Variants in ST3GAL1 observed in about 807,000 individuals in gnomAD.
ST3GAL1 encodes the protein CMP-N-acetylneuraminate-beta-galactosamide-alpha-2,3-sialyltransferase 1.
A neutral mutation model predicts 34.1 loss-of-function variants in ST3GAL1; 16 were observed. The observed-to-expected ratio is 0.47, with a 90% CI of 0.32 to 0.71. The LOEUF is 0.71. ST3GAL1 is among the 30% of genes least tolerant of loss of function. ST3GAL1 has a pLI of 0.04. For missense variants in ST3GAL1, 353 were observed against 447.4 expected (o/e 0.79, Z 1.90); for synonymous variants, 191 against 184.7 (o/e 1.03, Z -0.28).
At chr8:133,484,840 G>T (rs763229248) in intron 3 of ST3GAL1, among the ~76,000 whole-genome samples, 5 of 152,108 alleles carry the variant, frequency 3.3e-5, no homozygotes, top group African/African-American at 4.8e-5. Flanking sequence ...GCCTGATACC[G>T]CTGACCCTGG....
chr8:133,552,571 G>A (rs769251581), intron 1 of ST3GAL1, among the ~76,000 whole-genome samples: 5 of 152,198 alleles, frequency 3.3e-5, no homozygotes, highest in Non-Finnish European at 5.9e-5. Context: ...TTTGGGTGCG[G>A]TGGCATCTCC....
chr8:133,567,011 A>C (rs1029441001), intron 1 of ST3GAL1: 1 of 152,218 alleles, frequency 6.6e-6, no homozygotes, highest in Non-Finnish European at 1.5e-5. Flanking sequence ...TTACTTTATT[A>C]TTATGATTAT....
rs966753934 is a variant in ST3GAL1 at position 133,556,547 on chromosome 8, G to A, written c.-581-10621C>T. ...GGAATTGTGAAACATGGACCTGTTT[G>A]TCTTCTAAGCAACCTCAGCTAATGA... On this transcript the variant is annotated intron_variant, in intron 1 of 9. Coordinates refer to ENST00000522652, the MANE Select transcript of ST3GAL1 (RefSeq NM_173344.3). The surrounding 1 kb of genome is among the most constrained non-coding windows in gnomAD (Gnocchi z 8.9). 1.3e-5 allele frequency among the ~76,000 whole-genome samples: 2 copies of A among 152,174 alleles called. No homozygotes were observed. Among genetic ancestry groups the A allele is most frequent in the African/African-American group, 4.8e-5 (2 of 41,430 alleles).
At chr8:133,506,037 C>T (rs1418928843) in intron 2 of ST3GAL1, among the ~76,000 whole-genome samples, 1 of 152,190 alleles carries the variant, frequency 6.6e-6, no homozygotes, top group Non-Finnish European at 1.5e-5. Flanking sequence ...TCCTCCGTTG[C>T]ACCAGCTCAA....
At chr8:133,543,319 G>C (rs1379438617) in intron 2 of ST3GAL1, among the ~76,000 whole-genome samples, 1 of 152,200 alleles carries the variant, frequency 6.6e-6, no homozygotes, top group Non-Finnish European at 1.5e-5. Flanking sequence ...ATGCCAACTG[G>C]CTTTTCTTTT....
chr8:133,458,293 T>C lies in ST3GAL1; in HGVS notation c.*1471A>G, dbSNP rs1815374418. 6.8e-6 allele frequency: 1 copy of C among 146,494 alleles called. No individual in the cohort carries two copies. The highest frequency in any genetic ancestry group is 1.5e-5 in the Non-Finnish European group (1 of 66,024). The allele number at this position is 146,494 out of a possible 1,614,324, so 9.1% of individuals were successfully genotyped here. On this transcript the variant is annotated 3_prime_UTR_variant, in exon 10 of 10. Transcript: ENST00000522652. ...CAACAGAGCCAGGGTGCAAACAATG[T>C]CAGTTGAATAAAAAAAAGAAATCAA...
rs2737427 is a variant in ST3GAL1 at position 133,475,094 on chromosome 8, A to G, written c.306+625T>C. On this transcript the variant is annotated intron_variant, in intron 5 of 9. Coordinates refer to ENST00000522652, the MANE Select transcript of ST3GAL1 (RefSeq NM_173344.3). ...GGATCTCTGCATGAGATCATCCTGG[A>G]TTAGGGTGGGCCCTAAACCTGATGA... 4.3e-3 allele frequency among the ~76,000 whole-genome samples: 658 copies of G among 152,332 alleles called. 1 individual carries two copies. Among genetic ancestry groups the G allele is most frequent in the Non-Finnish European group, 6.4e-3 (433 of 68,024 alleles).
At chr8:133,567,365 C>T (rs967270600) in intron 1 of ST3GAL1, 2 of 152,186 alleles carry the variant, frequency 1.3e-5, no homozygotes, top group East Asian at 1.9e-4. Context: ...CAACTGAAAT[C>T]AAAACAACCC....
rs1218577921 is a variant in ST3GAL1, at chr8:133,467,006, A to C, written c.307-916T>G. Among the ~76,000 whole-genome samples the C allele has an allele frequency of 6.6e-6, 1 of 151,978 alleles. No homozygotes were observed. Among genetic ancestry groups the C allele is most frequent in the East Asian group, 1.9e-4 (1 of 5,176 alleles). On this transcript the variant is annotated intron_variant, in intron 5 of 9. Coordinates refer to ENST00000522652, the MANE Select transcript of ST3GAL1 (RefSeq NM_173344.3). The surrounding 1 kb of genome is among the most constrained non-coding windows in gnomAD (Gnocchi z 4.2). ...GCTACTTGGGAGGCTGAAGTGGGAGAATCTCTTGAACCCGGAAGGCGGAGG... is the reference window on the plus strand; with the variant it reads ...GCTACTTGGGAGGCTGAAGTGGGAGCATCTCTTGAACCCGGAAGGCGGAGG...
At chr8:133,517,983 G>C (rs1817694201) in intron 2 of ST3GAL1, among the ~76,000 whole-genome samples, 1 of 152,218 alleles carries the variant, frequency 6.6e-6, no homozygotes, top group African/African-American at 2.4e-5. Flanking sequence ...TTGGCACCTA[G>C]TCAGTTTTAC....
chr8:133,547,519 G>A lies in ST3GAL1; in HGVS notation c.-581-1593C>T, dbSNP rs1586659902. Among the ~76,000 whole-genome samples the A allele has an allele frequency of 1.3e-5, 2 of 152,316 alleles. 1 individual carries two copies. The highest frequency in any genetic ancestry group is 4.1e-4 in the South Asian group (2 of 4,824). On this transcript the variant is annotated intron_variant, in intron 1 of 9. Coordinates refer to ENST00000522652, the MANE Select transcript of ST3GAL1 (RefSeq NM_173344.3). The stretch of plus-strand genomic sequence containing the variant: ...GCATGAGCCACCATGCCCAGCTGCT[G>A]CTGGAAATCATTCTGCTGCCACATT...
At chr8:133,546,283 C>T (rs989872543) in intron 1 of ST3GAL1, among the ~76,000 whole-genome samples, 1 of 151,772 alleles carries the variant, frequency 6.6e-6, no homozygotes, top group African/African-American at 2.4e-5. Context: ...AGGAGTTCAT[C>T]ACCAGCCTGA....
Position 133,466,261 on chromosome 8 carries a change from T to C in ST3GAL1, c.307-171A>G, listed in dbSNP as rs149103760. ...ACACACAGACACCTCCACTTCCTCC[T>C]TCAAGGAGACTAAGGGTTACTCAGG... On this transcript the variant is annotated intron_variant, in intron 5 of 9. Coordinates refer to ENST00000522652, the MANE Select transcript of ST3GAL1 (RefSeq NM_173344.3). The surrounding 1 kb of genome is among the most constrained non-coding windows in gnomAD (Gnocchi z 4.4). Among the ~76,000 whole-genome samples the C allele has an allele frequency of 5.3e-3, 801 of 152,266 alleles. 4 individuals carry two copies. The highest frequency in any genetic ancestry group is 0.01 in the Admixed American group (154 of 15,304).
intron 1 of ST3GAL1, among the ~76,000 whole-genome samples, chr8:133,557,520 C>T (rs757712094): frequency 6.6e-6 from 1 of 152,108 alleles, no homozygotes; most frequent in Non-Finnish European, 1.5e-5. Flanking sequence ...GTTGAGCTGT[C>T]GCACCAGCCA....
rs1397986877 is a variant in ST3GAL1, at chr8:133,555,994, A to G, written c.-581-10068T>C. On this transcript the variant is annotated intron_variant, in intron 1 of 9. Coordinates refer to ENST00000522652, the MANE Select transcript of ST3GAL1 (RefSeq NM_173344.3). ...CTGCAACCTCCGCCTCCCAAGTTCAAGCAATTCTCGTGCCTCAGCCTCCCG... is the reference window on the plus strand; with the variant it reads ...CTGCAACCTCCGCCTCCCAAGTTCAGGCAATTCTCGTGCCTCAGCCTCCCG... Among the ~76,000 whole-genome samples, 4 of 152,122 alleles carry G rather than the reference A, an allele frequency of 2.6e-5. No homozygotes were observed. The East Asian group carries it at 7.7e-4, about 29-fold the overall frequency.
chr8:133,569,565 G>A (rs1819505032), intron 1 of ST3GAL1, among the ~76,000 whole-genome samples: 1 of 152,188 alleles, frequency 6.6e-6, no homozygotes, highest in Non-Finnish European at 1.5e-5. Context: ...GAGACTAGAA[G>A]AGGCCCCACG....
chr8:133,483,828 G>A (rs1001262955), intron 3 of ST3GAL1, among the ~76,000 whole-genome samples: 1 of 152,148 alleles, frequency 6.6e-6, no homozygotes, highest in African/African-American at 2.4e-5. Flanking sequence ...GGCTTATGTA[G>A]AGAGTCAGGC....
At chr8:133,563,948 G>A (rs552511064) in intron 1 of ST3GAL1, among the ~76,000 whole-genome samples, 26 of 152,244 alleles carry the variant, frequency 1.7e-4, no homozygotes, top group Non-Finnish European at 2.2e-4. Flanking sequence ...CCATCCTCAC[G>A]AGCAGCCCGC....
intron 1 of ST3GAL1, among the ~76,000 whole-genome samples, chr8:133,568,823 G>A (rs1386413475): frequency 6.6e-6 from 1 of 152,006 alleles, no homozygotes; most frequent in African/African-American, 2.4e-5. Context: ...GTGGGGAGGG[G>A]AGACAGAGAT....
Sources: allele counts gnomAD v4.1 joint callset (sites outside exome capture counted in the v4.1 genomes callset), GRCh38; gene constraint gnomAD v4.1.1; non-coding constraint Gnocchi (gnomAD v3.1); transcripts MANE v1.5; gene names NCBI Gene and HGNC (gene_info 2026-07-23, HGNC 2026-07-21).